Variants in ATRX observed in about 807,000 individuals in gnomAD.
The protein encoded by ATRX is ATRX chromatin remodeler, also known as chromatin remodeler ATRX.
Under a neutral mutation model 172.6 loss-of-function variants are expected in ATRX, and 12 were observed. The observed-to-expected ratio is 0.07, with a 90% confidence interval of 0.04 to 0.11. The LOEUF (loss-of-function observed/expected upper bound fraction) is 0.11. Among genes scored for constraint, ATRX ranks in the 10% least tolerant of loss-of-function variants. The pLI is 1.00. For synonymous variants in ATRX, 674 were observed against 594.7 expected (o/e 1.13, Z -1.94); for missense variants, 1,368 against 1,767.4 (o/e 0.77, Z 4.05).
At chrX:77,532,497 C>T (rs2063610783) in intron 30 of ATRX, among the ~76,000 whole-genome samples, 1 of 111,539 alleles carries the variant, frequency 9.0e-6, no homozygotes, top group South Asian at 3.8e-4. Context: ...TGCACACCTA[C>T]AGCCATCTGC....
intron 15 of ATRX, among the ~76,000 whole-genome samples, chrX:77,649,530 G>A (rs781910988): frequency 3.6e-5 from 4 of 112,028 alleles, no homozygotes; most frequent in African/African-American, 1.3e-4. Context: ...CCAACATTAC[G>A]TGAAACTACA....
chrX:77,611,279 A>G (rs2067142438), intron 22 of ATRX, among the ~76,000 whole-genome samples: 1 of 111,572 alleles, frequency 9.0e-6, no homozygotes, highest in Admixed American at 9.6e-5. Flanking sequence ...TCCTTTGGAA[A>G]AAAGCATACA....
chrX:77,594,668 C>A (rs949586687), intron 25 of ATRX: 1 of 111,957 alleles, frequency 8.9e-6, no homozygotes, highest in African/African-American at 3.2e-5. Context: ...GTTAAAACTT[C>A]GGATGAAGCT....
In ATRX at chrX:77,600,086, T is replaced by C. The variant is rs782596397; in HGVS notation, c.5698-266A>G. On this transcript the variant is annotated intron_variant, in intron 23 of 34. Coordinates refer to ENST00000373344, the MANE Select transcript of ATRX (RefSeq NM_000489.6). ...AAAGTCTGCCATTTAGTTAATAGTA[T>C]TGTACCAAAGTTAATTTCTTAGTTT... Among the ~76,000 whole-genome samples, 12 of 111,840 alleles carry C rather than the reference T, an allele frequency of 1.1e-4. No homozygotes were observed. The South Asian group carries it at 3.0e-3, about 28-fold the overall frequency.
At chrX:77,556,232 A>G (rs868919780) in intron 30 of ATRX, among the ~76,000 whole-genome samples, 1 of 7,580 alleles carries the variant, frequency 1.3e-4, no homozygotes, top group Non-Finnish European at 2.4e-4. Context: ...GGAGAGAGGG[A>G]GAGAGGGAGA....
chrX:77,781,441 CAA>C (rs781859880), intron 1 of ATRX, among the ~76,000 whole-genome samples: 7 of 28,907 alleles, frequency 2.4e-4, no homozygotes, highest in African/African-American at 6.0e-4. Context: ...GACTCTGTCT[CAA>C]AAAAAAAAAA....
chrX:77,656,525 A>G, intron 13 of ATRX, 35 bp downstream of exon 13: 1 of 1,080,878 alleles, frequency 9.3e-7, no homozygotes, highest in East Asian at 3.0e-5. Context: ...CATTCAGATT[A>G]ATTCCTAAAA....
chrX:77,716,322 AAATATATATATATAT>A (rs1400545181), intron 2 of ATRX, among the ~76,000 whole-genome samples: 55 of 41,843 alleles, frequency 1.3e-3, no homozygotes, highest in African/African-American at 3.0e-3. Flanking sequence ...AAAAAAAAAA[AAATATATATATATAT>A]ATATATATAT....
intron 9 of ATRX, among the ~76,000 whole-genome samples, chrX:77,676,737 T>C (rs1178470099): frequency 2.7e-5 from 3 of 112,790 alleles, no homozygotes; most frequent in Non-Finnish European, 5.6e-5. Flanking sequence ...TGAATGTGTA[T>C]GGTATTTGTG....
chrX:77,699,481 A>C (rs782445867), intron 2 of ATRX: 1 of 111,790 alleles, frequency 8.9e-6, no homozygotes, highest in African/African-American at 3.3e-5. Flanking sequence ...TGAAAGTTGG[A>C]ATCTGCTAGG....
rs2148486891 is a variant in ATRX, at chrX:77,663,383, C to T, written c.4119G>A (p.Lys1373=). 2 of 1,210,540 alleles carry T rather than the reference C, an allele frequency of 1.7e-6. No homozygotes were observed. The highest frequency in any genetic ancestry group is 3.5e-5 in the South Asian group (2 of 56,948). Reference sequence around the variant, plus strand: ...ACATTCAGAATTAAAACATCTTACCCTTTCTTCTGTTTCTGCCTTTGACTT... The same window carrying T: ...ACATTCAGAATTAAAACATCTTACCTTTTCTTCTGTTTCTGCCTTTGACTT... ...HKEVKGRNRR[K]VSSEDSEDSD... Residue 1373 remains lysine (K), a splice_region_variant and synonymous_variant, in exon 12 of 35, where the codon AAG becomes AAA. Coordinates refer to ENST00000373344, the MANE Select transcript of ATRX (RefSeq NM_000489.6).
chrX:77,717,642 T>C (rs2073511631), intron 1 of ATRX, among the ~76,000 whole-genome samples: 1 of 105,741 alleles, frequency 9.5e-6, no homozygotes, highest in Admixed American at 1.0e-4. Context: ...ACTAAGAATA[T>C]AAAAATATGA....
intron 1 of ATRX, among the ~76,000 whole-genome samples, chrX:77,722,409 C>T (rs912092954): frequency 1.1e-4 from 12 of 110,668 alleles, no homozygotes; most frequent in African/African-American, 3.9e-4. Flanking sequence ...AGGCAACCTA[C>T]AGAATGGGAG....
intron 19 of ATRX, among the ~76,000 whole-genome samples, chrX:77,626,154 G>C (rs2067841885): frequency 1.0e-5 from 1 of 99,041 alleles, no homozygotes; most frequent in Non-Finnish European, 2.0e-5. Context: ...TGAGACTTGG[G>C]ACTATTATTC....
chrX:77,683,007 G>A lies in ATRX; in HGVS notation c.2249C>T (p.Ser750Leu), dbSNP rs1557140040. Residue 750 changes from serine (S) to leucine (L), a missense_variant, in exon 9 of 35, where the codon TCA (serine) becomes TTA (leucine). Transcript: ENST00000373344. ...EVSRMSHSSS[S>L]DTDINEIHTN... ...ATGAATTTCATTAATATCAGTATCT[G>A]AAGAAGAACTGTGACTCATCCTGCT... 4 of 1,210,415 alleles carry A rather than the reference G, an allele frequency of 3.3e-6. No individual in the cohort carries two copies. The highest frequency in any genetic ancestry group is 4.5e-6 in the Non-Finnish European group (4 of 894,738).
chrX:77,624,787 T>G (rs2148294455), intron 19 of ATRX, among the ~76,000 whole-genome samples: 1 of 111,598 alleles, frequency 9.0e-6, no homozygotes, highest in Non-Finnish European at 1.9e-5. Flanking sequence ...CATGAATGGG[T>G]AGAATCAATA....
chrX:77,663,582 A>C (rs2070048678), intron 11 of ATRX, 24 bp from the exon 12 acceptor site: 11 of 1,173,343 alleles, frequency 9.4e-6, no homozygotes, highest in Non-Finnish European at 1.0e-5. Flanking sequence ...ATAAATCAAT[A>C]AAACCTTCTT....
At chrX:77,748,542 A>C (rs1326104262) in intron 1 of ATRX, among the ~76,000 whole-genome samples, 1 of 112,286 alleles carries the variant, frequency 8.9e-6, no homozygotes, top group African/African-American at 3.2e-5. Flanking sequence ...ATTAAATAAA[A>C]AGAAGATAAC....
chrX:77,654,558 G>T (rs1307607634), intron 13 of ATRX, among the ~76,000 whole-genome samples: 1 of 110,770 alleles, frequency 9.0e-6, no homozygotes, highest in African/African-American at 3.3e-5. Context: ...TTCATAACAG[G>T]TCACAGAGAT....
Sources: allele counts gnomAD v4.1 joint callset (sites outside exome capture counted in the v4.1 genomes callset), GRCh38; gene constraint gnomAD v4.1.1; transcripts MANE v1.5; gene names NCBI Gene and HGNC (gene_info 2026-07-23, HGNC 2026-07-21).